HERC1: variants seen among roughly 807,000 people sequenced by gnomAD.
HERC1 encodes HECT and RLD domain containing E3 ubiquitin protein ligase family member 1.
A neutral mutation model predicts 554.3 loss-of-function variants in HERC1; 160 were observed. That is an observed-to-expected ratio of 0.29 (90% CI 0.25 to 0.33). The LOEUF is 0.33. HERC1 is among the 10% of genes least tolerant of loss of function. The probability of loss-of-function intolerance (pLI) is 1.00; values close to 1 mark genes in which losing one functional copy is unlikely to be tolerated. For synonymous variants in HERC1, 2,175 were observed against 2,131.7 expected, an observed-to-expected ratio of 1.02 and a Z score of -0.56; for missense variants, 4,919 against 5,918.5, an observed-to-expected ratio of 0.83 and a Z score of 5.54.
intron 44 of HERC1, among the ~76,000 whole-genome samples, chr15:63,662,734 C>G (rs2070423571): frequency 6.6e-6 from 1 of 152,136 alleles, no homozygotes; most frequent in African/African-American, 2.4e-5. Context: ...TCAAATATTA[C>G]CACAGTATGA....
At chr15:63,703,540 G>A (rs949249816) in intron 25 of HERC1, among the ~76,000 whole-genome samples, 4 of 152,082 alleles carry the variant, frequency 2.6e-5, no homozygotes, top group Admixed American at 2.0e-4. Flanking sequence ...AATGCTGTAT[G>A]AGGGAAAACA....
At chr15:63,703,084 T>C (rs1479446851) in intron 25 of HERC1, among the ~76,000 whole-genome samples, 1 of 136,494 alleles carries the variant, frequency 7.3e-6, no homozygotes, top group Admixed American at 8.2e-5. Context: ...CACTCCAGCC[T>C]GGGCTACAGA....
intron 37 of HERC1, among the ~76,000 whole-genome samples, chr15:63,675,436 C>T (rs2071148585): frequency 6.6e-6 from 1 of 152,188 alleles, no homozygotes; most frequent in African/African-American, 2.4e-5. Flanking sequence ...GGCACACAGT[C>T]TCAGCTGCAA....
intron 42 of HERC1, among the ~76,000 whole-genome samples, chr15:63,664,908 G>A (rs1595922503): frequency 6.6e-6 from 1 of 152,148 alleles, no homozygotes; most frequent in East Asian, 1.9e-4. Flanking sequence ...AATTTGAAAT[G>A]ATTGAGAATT....
intron 2 of HERC1, 102 bp downstream of exon 2, chr15:63,774,592 A>G (rs948159672): frequency 4.7e-6 from 4 of 855,788 alleles, no homozygotes; most frequent in Non-Finnish European, 7.2e-6. Flanking sequence ...AACAATCACC[A>G]AAAGTCTCAA....
At chr15:63,721,660 T>G (rs1041456392) in intron 19 of HERC1, among the ~76,000 whole-genome samples, 1 of 152,180 alleles carries the variant, frequency 6.6e-6, no homozygotes, top group Non-Finnish European at 1.5e-5. Flanking sequence ...AATGTATTTA[T>G]TTTTGCCATT....
Position 63,665,794 on chromosome 15 carries a change from T to C in HERC1, c.8555+125A>G, listed in dbSNP as rs533977603. 135 of 668,174 alleles carry C rather than the reference T, an allele frequency of 2.0e-4. 2 individuals are homozygous for C. The African/African-American group carries it at 2.1e-3, about 10-fold the overall frequency. 41.4% of individuals were successfully genotyped at this position (668,174 alleles called of 1,614,324 possible). ...TATAAACTTGTAACTAAAATGCCCA[T>C]CTTTTCATATAACTATATTTATCAA... On this transcript the variant is annotated intron_variant, in intron 42 of 77. Transcript: ENST00000443617.
intron 1 of HERC1, among the ~76,000 whole-genome samples, chr15:63,825,966 T>C (rs892822227): frequency 1.3e-5 from 2 of 151,922 alleles, no homozygotes; most frequent in Non-Finnish European, 2.9e-5. Flanking sequence ...TTTCACCATG[T>C]TGGCCAGGCT....
intron 26 of HERC1, among the ~76,000 whole-genome samples, chr15:63,697,076 C>T (rs928424925): frequency 6.6e-6 from 1 of 152,002 alleles, no homozygotes; most frequent in Non-Finnish European, 1.5e-5. Context: ...TTTATGAAAA[C>T]TAAGACATTA....
At chr15:63,793,501 C>T (rs903227651) in intron 1 of HERC1, among the ~76,000 whole-genome samples, 4 of 152,132 alleles carry the variant, frequency 2.6e-5, no homozygotes, top group Admixed American at 6.5e-5. Context: ...CCCTCAGTTT[C>T]GGGAATTGCC....
In HERC1 at chr15:63,692,159, G is replaced by A. The variant is rs1196058363; in HGVS notation, c.5830+252C>T. Among the ~76,000 whole-genome samples the A allele has an allele frequency of 6.6e-6, 1 of 152,210 alleles. No homozygotes were observed. Among genetic ancestry groups the A allele is most frequent in the Non-Finnish European group, 1.5e-5 (1 of 68,036 alleles). On this transcript the variant is annotated intron_variant, in intron 31 of 77. Transcript: ENST00000443617. The surrounding 1 kb of genome is among the most constrained non-coding windows in gnomAD (Gnocchi z 4.7). ...ATGTTCTCTGCTTACTCTTAGGTTT[G>A]TAATCTGAACAAAGAGGATGAAGTT...
chr15:63,814,158 T>C (rs1217767021), intron 1 of HERC1, among the ~76,000 whole-genome samples: 1 of 152,228 alleles, frequency 6.6e-6, no homozygotes, highest in Non-Finnish European at 1.5e-5. Flanking sequence ...TGTATATAAA[T>C]AGACCTATTA....
chr15:63,653,445 T>A (rs150783298), intron 51 of HERC1, among the ~76,000 whole-genome samples: 1,852 of 152,184 alleles, frequency 0.012, 21 homozygotes, highest in East Asian at 0.023. Flanking sequence ...AAAAAAACTG[T>A]TTAAGTAATA....
chr15:63,630,927 C>T (rs531185033), intron 68 of HERC1, among the ~76,000 whole-genome samples: 5 of 152,326 alleles, frequency 3.3e-5, no homozygotes, highest in African/African-American at 1.2e-4. Context: ...CCAATATCCA[C>T]ATCTTTGAAA....
rs570788634 is a variant in HERC1, at chr15:63,754,071, G to A, written c.1774+434C>T. On this transcript the variant is annotated intron_variant, in intron 7 of 77. Coordinates refer to ENST00000443617, the MANE Select transcript of HERC1 (RefSeq NM_003922.4). ...TGCCTGTAGTCCCAGCTACTTGGGG[G>A]GCTGAGGCAGGAGGATCGCTTGAGC... 2.9e-3 allele frequency among the ~76,000 whole-genome samples: 437 copies of A among 152,152 alleles called. 1 individual carries two copies. The highest frequency in any genetic ancestry group is 6.8e-3 in the Middle Eastern group (2 of 294).
At chr15:63,659,207 T>A (rs1481862260) in intron 47 of HERC1, among the ~76,000 whole-genome samples, 2 of 152,058 alleles carry the variant, frequency 1.3e-5, no homozygotes, top group African/African-American at 2.4e-5. Context: ...GTTCTATAAA[T>A]CTTTTTATTG....
intron 8 of HERC1, among the ~76,000 whole-genome samples, chr15:63,751,128 T>C (rs1322063125): frequency 1.3e-5 from 2 of 152,214 alleles, no homozygotes; most frequent in Non-Finnish European, 2.9e-5. Context: ...AGGTATCATA[T>C]ACACTCATGC....
chr15:63,830,011 A>G (rs1477313611), intron 1 of HERC1, among the ~76,000 whole-genome samples: 1 of 152,234 alleles, frequency 6.6e-6, no homozygotes, highest in Non-Finnish European at 1.5e-5. Flanking sequence ...CAATTAATAA[A>G]TGCAGAAGGA....
intron 12 of HERC1, among the ~76,000 whole-genome samples, chr15:63,743,387 G>A (rs532300110): frequency 3.7e-4 from 55 of 150,292 alleles, no homozygotes; most frequent in African/African-American, 1.2e-3. Flanking sequence ...TTAGCCTCCC[G>A]AGTAGCTGGG....
Sources: allele counts gnomAD v4.1 joint callset (sites outside exome capture counted in the v4.1 genomes callset), GRCh38; gene constraint gnomAD v4.1.1; non-coding constraint Gnocchi (gnomAD v3.1); transcripts MANE v1.5; gene names NCBI Gene and HGNC (gene_info 2026-07-23, HGNC 2026-07-21).